Variants in GADL1 observed in about 807,000 individuals in gnomAD.
GADL1 encodes acidic amino acid decarboxylase GADL1.
A neutral mutation model predicts 69.5 loss-of-function variants in GADL1; 71 were observed. That is an observed-to-expected ratio of 1.02 (90% CI 0.84 to 1.25). The LOEUF is 1.25. GADL1 is among the 50% of genes most tolerant of loss of function. The pLI, the probability that GADL1 is intolerant of heterozygous loss-of-function variation, is 0.00. For synonymous variants in GADL1, 254 were observed against 214.4 expected (o/e 1.18, Z -1.62); for missense variants, 737 against 631.8 (o/e 1.17, Z -1.79).
intron 11 of GADL1, among the ~76,000 whole-genome samples, chr3:30,803,279 C>T (rs1575212870): frequency 6.6e-6 from 1 of 152,128 alleles, no homozygotes; most frequent in South Asian, 2.1e-4. Flanking sequence ...CTGCATCTCC[C>T]TGCCCTCAAA....
At chr3:30,784,251 T>A (rs1392363675) in intron 13 of GADL1, among the ~76,000 whole-genome samples, 1 of 152,224 alleles carries the variant, frequency 6.6e-6, no homozygotes, top group Non-Finnish European at 1.5e-5. Flanking sequence ...GAATTACTTT[T>A]TACAGTTGGC....
chr3:30,767,766 C>T (rs1006902022), intron 14 of GADL1, among the ~76,000 whole-genome samples: 10 of 151,988 alleles, frequency 6.6e-5, no homozygotes, highest in Non-Finnish European at 1.3e-4. Context: ...GTTTTTTCAT[C>T]GTACAGAAGA....
intron 12 of GADL1, among the ~76,000 whole-genome samples, chr3:30,790,654 C>T (rs1696894432): frequency 2.0e-5 from 3 of 152,068 alleles, no homozygotes; most frequent in Non-Finnish European, 2.9e-5. Context: ...TTAAGTAATA[C>T]TCATATCTTA....
intron 14 of GADL1, among the ~76,000 whole-genome samples, chr3:30,749,172 G>T (rs777554529): frequency 2.6e-5 from 4 of 152,104 alleles, no homozygotes; most frequent in Non-Finnish European, 5.9e-5. Context: ...TGCCATTTGG[G>T]GTATCATAGT....
intron 3 of GADL1, among the ~76,000 whole-genome samples, chr3:30,856,018 T>C (rs1055196830): frequency 6.6e-6 from 1 of 151,800 alleles, no homozygotes; most frequent in Non-Finnish European, 1.5e-5. Context: ...CATGGTAACA[T>C]GGAAAATATC....
intron 1 of GADL1, among the ~76,000 whole-genome samples, chr3:30,880,029 A>G (rs1049935133): frequency 2.0e-5 from 3 of 151,676 alleles, no homozygotes; most frequent in Non-Finnish European, 4.4e-5. Context: ...GCATAAAGGA[A>G]GGAGGTATTC....
intron 14 of GADL1, among the ~76,000 whole-genome samples, chr3:30,746,818 C>T (rs1695709910): frequency 2.0e-5 from 3 of 152,164 alleles, no homozygotes; most frequent in South Asian, 4.1e-4. Flanking sequence ...TGAACCAGAT[C>T]TATCATATCT....
At chr3:30,739,832 G>T (rs1032302088) in intron 14 of GADL1, among the ~76,000 whole-genome samples, 2 of 152,056 alleles carry the variant, frequency 1.3e-5, no homozygotes, top group African/African-American at 2.4e-5. Context: ...GTTCCTCCTG[G>T]AAATCTTTAT....
intron 11 of GADL1, among the ~76,000 whole-genome samples, chr3:30,824,394 A>G (rs1177444765): frequency 6.6e-6 from 1 of 151,436 alleles, no homozygotes; most frequent in Non-Finnish European, 1.5e-5. Context: ...ATATAACAAT[A>G]TGCTACCATT....
At chr3:30,889,573 C>T (rs541547696) in intron 1 of GADL1, among the ~76,000 whole-genome samples, 76 of 152,268 alleles carry the variant, frequency 5.0e-4, no homozygotes, top group Admixed American at 8.5e-4. Context: ...ATGTATTTAA[C>T]GTGGCAACAT....
At chr3:30,747,756 C>G (rs1375641806) in intron 14 of GADL1, among the ~76,000 whole-genome samples, 1 of 152,122 alleles carries the variant, frequency 6.6e-6, no homozygotes, top group African/African-American at 2.4e-5. Context: ...TTATCCTATC[C>G]TGTAAATATT....
At chr3:30,844,753 G>A (rs912428607) in intron 6 of GADL1, among the ~76,000 whole-genome samples, 3 of 152,104 alleles carry the variant, frequency 2.0e-5, no homozygotes, top group Non-Finnish European at 2.9e-5. Flanking sequence ...AAGGGATCAT[G>A]CCAATAATGC....
At chr3:30,840,139 G>A (rs557761534) in intron 8 of GADL1, among the ~76,000 whole-genome samples, 1 of 152,204 alleles carries the variant, frequency 6.6e-6, no homozygotes, top group Admixed American at 6.6e-5. Context: ...CATTTAGCAT[G>A]GAGCCATTTT....
intron 14 of GADL1, among the ~76,000 whole-genome samples, chr3:30,769,092 T>C (rs1467661084): frequency 6.6e-6 from 1 of 152,160 alleles, no homozygotes; most frequent in Non-Finnish European, 1.5e-5. Context: ...GTGCAAGAAA[T>C]GTCACAGTAC....
intron 13 of GADL1, among the ~76,000 whole-genome samples, chr3:30,784,761 A>G (rs1161682891): frequency 6.6e-6 from 1 of 152,052 alleles, no homozygotes; most frequent in Admixed American, 6.6e-5. Flanking sequence ...TGCAAGTCAG[A>G]CTCCTGTCTT....
At chr3:30,865,447 A>G (rs1361351435) in intron 1 of GADL1, among the ~76,000 whole-genome samples, 1 of 151,946 alleles carries the variant, frequency 6.6e-6, no homozygotes, top group African/African-American at 2.4e-5. Context: ...TTTTTTGACT[A>G]TTAAATGAAA....
intron 1 of GADL1, among the ~76,000 whole-genome samples, chr3:30,865,436 A>G (rs1245521059): frequency 5.3e-5 from 8 of 151,918 alleles, no homozygotes; most frequent in Non-Finnish European, 1.2e-4. Flanking sequence ...TTTGATGAAC[A>G]TTTTTTGACT....
intron 12 of GADL1, chr3:30,798,970 G>T (rs549345626): frequency 1.3e-5 from 2 of 152,254 alleles, no homozygotes; most frequent in Admixed American, 1.3e-4. Context: ...GATGCAAGAG[G>T]TGGGTTCCCA....
intron 14 of GADL1, among the ~76,000 whole-genome samples, chr3:30,754,062 G>C (rs1460168698): frequency 6.6e-6 from 1 of 152,168 alleles, no homozygotes; most frequent in Non-Finnish European, 1.5e-5. Context: ...CCTTCAAATA[G>C]TAAACTAAAT....
Sources: gnomAD v4.1 joint callset for allele counts (sites outside exome capture counted in the v4.1 genomes callset) on GRCh38, gnomAD v4.1.1 for gene constraint, MANE v1.5 for transcripts, NCBI Gene and HGNC (gene_info 2026-07-23, HGNC 2026-07-21) for gene names.